The following DLEC1 variants were observed in gnomAD, a reference collection of about 807,000 sequenced individuals.
DLEC1 encodes deleted in lung and esophageal cancer protein 1.
DLEC1 carries 146 observed loss-of-function variants against 198.1 expected under a neutral mutation model. The ratio of observed to expected loss-of-function variants is 0.74; its 90% CI spans 0.64 to 0.85. The LOEUF is 0.85. DLEC1 is among the 40% of genes least tolerant of loss of function. The probability of loss-of-function intolerance (pLI) is 0.00; values close to 1 mark genes in which losing one functional copy is unlikely to be tolerated. For missense variants in DLEC1, 2,233 were observed against 2,220.0 expected (o/e 1.01, Z -0.12); for synonymous variants, 897 against 866.8 (o/e 1.03, Z -0.61).
In DLEC1 at chr3:38,084,276, G is replaced by A. The variant is rs1698230789; in HGVS notation, c.1261+31G>A. The A allele has an allele frequency of 5.7e-6, 9 of 1,585,372 alleles. No individual in the cohort carries two copies. The Middle Eastern group carries it at 5.0e-4, about 88-fold the overall frequency. On this transcript the variant is annotated intron_variant, in intron 7 of 36. Coordinates refer to ENST00000308059, the MANE Select transcript of DLEC1 (RefSeq NM_007335.4). ...TTCAGTATTTGTAAGTTCATTAGTA[G>A]TAGTGGTAATAGTAGTGGTGGTATT...
At chr3:38,059,904 T>C (rs2125607391) in intron 3 of DLEC1, 52 bp downstream of exon 3, 3 of 1,512,520 alleles carry the variant, frequency 2.0e-6, no homozygotes, top group South Asian at 2.3e-5. Flanking sequence ...GGAAGTTCAG[T>C]AGGGCCACGT....
At chr3:38,096,112 C>A (rs948074741) in intron 14 of DLEC1, among the ~76,000 whole-genome samples, 166 bp downstream of exon 14, 2 of 152,156 alleles carry the variant, frequency 1.3e-5, no homozygotes, top group Non-Finnish European at 2.9e-5. Context: ...CCCAGCCCTG[C>A]AATGGGCTGA....
intron 2 of DLEC1, among the ~76,000 whole-genome samples, chr3:38,054,700 A>G (rs534743258): frequency 6.6e-6 from 1 of 152,348 alleles, no homozygotes; most frequent in East Asian, 1.9e-4. Flanking sequence ...GGTTAAAAGA[A>G]TGGTGTTCTT....
At chr3:38,041,379 T>C (rs1008326355) in intron 1 of DLEC1, among the ~76,000 whole-genome samples, 1 of 152,160 alleles carries the variant, frequency 6.6e-6, no homozygotes, top group African/African-American at 2.4e-5. Context: ...CTGGCCTCAA[T>C]TGATCCTTCC....
In DLEC1 at chr3:38,062,885, G is replaced by A. The variant is rs1222314829; in HGVS notation, c.1094+84G>A. On this transcript the variant is annotated intron_variant, in intron 5 of 36. Coordinates refer to ENST00000308059, the MANE Select transcript of DLEC1 (RefSeq NM_007335.4). Reference sequence around the variant, plus strand: ...TGGTCCTCCGTTTGGTCTGGCTGTAGAGGTCCCTAGACTTGTGGGGCAGGG... The same window carrying A: ...TGGTCCTCCGTTTGGTCTGGCTGTAAAGGTCCCTAGACTTGTGGGGCAGGG... 3.5e-6 allele frequency: 5 copies of A among 1,420,616 alleles called. No individual in the cohort carries two copies. The East Asian group carries it at 1.2e-4, about 34-fold the overall frequency. The allele number at this position is 1,420,616 out of a possible 1,614,324, so 88.0% of individuals were successfully genotyped here. A position where few individuals can be genotyped will look rare whatever the true frequency, so the allele number is the denominator to read the frequency against.
intron 2 of DLEC1, among the ~76,000 whole-genome samples, chr3:38,056,941 A>C (rs1696402159): frequency 6.6e-6 from 1 of 152,232 alleles, no homozygotes; most frequent in Non-Finnish European, 1.5e-5. Flanking sequence ...ATGTCCTTTC[A>C]CACCCATCAG....
chr3:38,074,599 AG>A (rs1697504643), intron 6 of DLEC1, among the ~76,000 whole-genome samples: 1 of 152,190 alleles, frequency 6.6e-6, no homozygotes, highest in African/African-American at 2.4e-5. Flanking sequence ...AATCTTGCCT[AG>A]CTATACCTGG....
intron 6 of DLEC1, among the ~76,000 whole-genome samples, chr3:38,079,884 T>G (rs1697869031): frequency 6.6e-6 from 1 of 152,198 alleles, no homozygotes; most frequent in Non-Finnish European, 1.5e-5. Context: ...ATTGTACACC[T>G]TGAAGGTGAG....
chr3:38,064,236 G>A (rs548482062), intron 6 of DLEC1, among the ~76,000 whole-genome samples: 2 of 151,948 alleles, frequency 1.3e-5, no homozygotes, highest in African/African-American at 4.8e-5. Context: ...CTGCCTTCAA[G>A]CATCTGTTTA....
chr3:38,109,870 T>C, intron 22 of DLEC1: 1 of 676,762 alleles, frequency 1.5e-6, no homozygotes, highest in Non-Finnish European at 2.4e-6. Flanking sequence ...CTGGGAGCCA[T>C]GCCAGCATGC....
At chr3:38,062,119 C>CTA in intron 3 of DLEC1, 50 bp from the exon 4 acceptor site, 1 of 1,599,204 alleles carries the variant, frequency 6.3e-7, no homozygotes, top group South Asian at 1.1e-5. Flanking sequence ...TAGGAATGCC[C>CTA]ACCTCCTCAC....
At position 38,062,160 on chromosome 3, in the gene DLEC1, A is replaced by T; in HGVS notation, c.674-9A>T. On this transcript the variant is annotated splice_polypyrimidine_tract_variant and intron_variant, in intron 3 of 36. Transcript: ENST00000308059. ...TGCAGTGATTCAGTTTGTTTCCTTG[A>T]TGCTGTAGGCATCTCCCTACCTGGA... 1 of 1,614,118 alleles carries T rather than the reference A, an allele frequency of 6.2e-7. No individual in the cohort carries two copies.
Position 38,053,184 on chromosome 3 carries a change from G to A in DLEC1, c.563-6558G>A, listed in dbSNP as rs1417379963. On this transcript the variant is annotated intron_variant, in intron 2 of 36. Coordinates refer to ENST00000308059, the MANE Select transcript of DLEC1 (RefSeq NM_007335.4). ...GCCTGCCTTGGCCTCCCAAAGTGCC[G>A]AGATTGCAGCCTCTGCCCAGCGGCC... Among the ~76,000 whole-genome samples the A allele has an allele frequency of 5.9e-5, 9 of 151,794 alleles. No homozygotes were observed. In the South Asian group the frequency reaches 8.3e-4, roughly 14 times the overall value.
chr3:38,054,944 A>T (rs1201283714), intron 2 of DLEC1, among the ~76,000 whole-genome samples: 1 of 152,210 alleles, frequency 6.6e-6, no homozygotes, highest in African/African-American at 2.4e-5. Flanking sequence ...TTTACAGACT[A>T]AAGGAAGGAA....
intron 33 of DLEC1, among the ~76,000 whole-genome samples, chr3:38,118,583 C>A (rs1281061520): frequency 6.6e-6 from 1 of 152,214 alleles, no homozygotes; most frequent in Admixed American, 6.5e-5. Flanking sequence ...CCATCAACTT[C>A]CTCTGGTCTC....
chr3:38,039,796 C>T (rs1038745007), intron 1 of DLEC1, among the ~76,000 whole-genome samples, 160 bp downstream of exon 1: 1 of 152,356 alleles, frequency 6.6e-6, no homozygotes, highest in Non-Finnish European at 1.5e-5. Context: ...AGTGGAAGGA[C>T]GCTCTATCCA....
intron 4 of DLEC1, 96 bp downstream of exon 4, chr3:38,062,464 A>G: frequency 6.3e-7 from 1 of 1,581,386 alleles, no homozygotes; most frequent in Non-Finnish European, 8.6e-7. Context: ...TGATGAATCC[A>G]TCGCAAAATA....
intron 1 of DLEC1, among the ~76,000 whole-genome samples, chr3:38,042,791 G>A (rs573379375): frequency 1.3e-5 from 2 of 152,128 alleles, no homozygotes; most frequent in South Asian, 2.1e-4. Context: ...TCCTGACCTC[G>A]TGATCCACCC....
intron 8 of DLEC1, 101 bp from the exon 9 acceptor site, chr3:38,086,140 A>G (rs964611720): frequency 4.7e-6 from 7 of 1,481,940 alleles, no homozygotes; most frequent in Non-Finnish European, 6.4e-6. Flanking sequence ...GGCTGGGACC[A>G]GCTGTCCTGA....
Sources: gnomAD v4.1 joint callset for allele counts (sites outside exome capture counted in the v4.1 genomes callset) on GRCh38, gnomAD v4.1.1 for gene constraint, MANE v1.5 for transcripts, NCBI Gene and HGNC (gene_info 2026-07-23, HGNC 2026-07-21) for gene names.